NLGN1: variants seen among roughly 807,000 people sequenced by gnomAD.
The protein encoded by NLGN1 is neuroligin-1.
In NLGN1, 12 loss-of-function variants were observed where a neutral mutation model predicts 65.5. That is an observed-to-expected ratio of 0.18 (90% CI 0.12 to 0.30). The LOEUF is 0.30. NLGN1 is among the 10% of genes least tolerant of loss of function. The probability of loss-of-function intolerance (pLI) is 1.00; values close to 1 mark genes in which losing one functional copy is unlikely to be tolerated. For missense variants in NLGN1, 750 were observed against 1,007.1 expected, an observed-to-expected ratio of 0.74 and a Z score of 3.46; for synonymous variants, 350 against 359.5, an observed-to-expected ratio of 0.97 and a Z score of 0.30.
intron 3 of NLGN1, among the ~76,000 whole-genome samples, chr3:173,627,898 G>T (rs1191206304): frequency 2.7e-5 from 4 of 150,848 alleles, no homozygotes; most frequent in African/African-American, 2.4e-5. Context: ...AAATCTGTGT[G>T]TATTATCTGA....
chr3:174,085,978 A>G (rs973064466), intron 4 of NLGN1, among the ~76,000 whole-genome samples: 4 of 152,022 alleles, frequency 2.6e-5, no homozygotes, highest in African/African-American at 9.7e-5. Flanking sequence ...ATGATTGTCA[A>G]TGGATTTGTA....
chr3:174,152,607 G>T (rs1724591020), intron 4 of NLGN1, among the ~76,000 whole-genome samples: 1 of 151,670 alleles, frequency 6.6e-6, no homozygotes, highest in South Asian at 2.1e-4. Context: ...TAACAAACCT[G>T]CACGCTGTGC....
At chr3:173,829,140 A>G (rs978838894) in intron 4 of NLGN1, among the ~76,000 whole-genome samples, 1 of 152,074 alleles carries the variant, frequency 6.6e-6, no homozygotes, top group Non-Finnish European at 1.5e-5. Flanking sequence ...GCGTGGAAGC[A>G]GTGAGAAGTA....
intron 4 of NLGN1, among the ~76,000 whole-genome samples, chr3:173,858,242 T>G (rs1485511375): frequency 4.6e-5 from 7 of 152,086 alleles, no homozygotes; most frequent in Non-Finnish European, 1.0e-4. Flanking sequence ...ATATTTTGCT[T>G]GATTTTAAAA....
intron 3 of NLGN1, among the ~76,000 whole-genome samples, chr3:173,650,588 G>A (rs1216367425): frequency 6.6e-6 from 1 of 152,162 alleles, no homozygotes; most frequent in African/African-American, 2.4e-5. Context: ...GTGATAATGA[G>A]TGGTGTCTAT....
intron 4 of NLGN1, among the ~76,000 whole-genome samples, chr3:174,259,485 G>A (rs1440070076): frequency 6.7e-6 from 1 of 150,204 alleles, no homozygotes; most frequent in Non-Finnish European, 1.5e-5. Flanking sequence ...CATCAATTAT[G>A]TGTATTAGCA....
chr3:173,512,367 C>A (rs1302293044), intron 2 of NLGN1, among the ~76,000 whole-genome samples: 5 of 152,116 alleles, frequency 3.3e-5, no homozygotes, highest in Non-Finnish European at 7.3e-5. Context: ...GAAAGTGGCT[C>A]TCAGTAGAGA....
chr3:173,972,922 CTGA>C (rs1716602217), intron 4 of NLGN1, among the ~76,000 whole-genome samples: 1 of 152,114 alleles, frequency 6.6e-6, no homozygotes, highest in Non-Finnish European at 1.5e-5. Context: ...ACAAACCCTC[CTGA>C]TGATTCTCCT....
intron 4 of NLGN1, among the ~76,000 whole-genome samples, chr3:174,032,150 G>A (rs1423892619): frequency 2.0e-5 from 3 of 152,064 alleles, no homozygotes; most frequent in Non-Finnish European, 4.4e-5. Flanking sequence ...TTCACAAGAA[G>A]CCACTGGAGT....
intron 4 of NLGN1, among the ~76,000 whole-genome samples, chr3:173,820,179 G>GAAAAAAA (rs63081662): frequency 7.3e-6 from 1 of 136,616 alleles, no homozygotes. Flanking sequence ...ATTCAGTCTC[G>GAAAAAAA]AAAAAAAAAA....
chr3:173,511,045 G>T (rs572342799), intron 2 of NLGN1, among the ~76,000 whole-genome samples: 117 of 152,286 alleles, frequency 7.7e-4, no homozygotes, highest in African/African-American at 2.7e-3. Context: ...GTGCAGCTAA[G>T]ATAATATCAG....
rs574216819 is a variant in NLGN1 at position 173,428,661 on chromosome 3, A to G, written c.-389-6349A>G. Among the ~76,000 whole-genome samples, 14 of 152,176 alleles carry G rather than the reference A, an allele frequency of 9.2e-5. No individual in the cohort carries two copies. In the South Asian group the frequency reaches 2.9e-3, roughly 31 times the overall value. ...GATAAATTTGTCTTTTAGTCCTCAT[A>G]CTAAAGGTATAAGTGGTTGATACAT... On this transcript the variant is annotated intron_variant, in intron 1 of 6. Transcript: ENST00000457714.
At chr3:174,042,484 T>C (rs1477541503) in intron 4 of NLGN1, among the ~76,000 whole-genome samples, 1 of 152,214 alleles carries the variant, frequency 6.6e-6, no homozygotes, top group East Asian at 1.9e-4. Context: ...CTCTATTGCA[T>C]TGCTTTGCCT....
chr3:174,250,512 T>TAAG (rs1744575090), intron 4 of NLGN1, among the ~76,000 whole-genome samples: 1 of 152,186 alleles, frequency 6.6e-6, no homozygotes, highest in Non-Finnish European at 1.5e-5. Context: ...AGAGGAACTT[T>TAAG]AAGATGGCAA....
intron 3 of NLGN1, among the ~76,000 whole-genome samples, chr3:173,737,519 G>T (rs1160691820): frequency 6.6e-6 from 1 of 151,934 alleles, no homozygotes; most frequent in Non-Finnish European, 1.5e-5. Flanking sequence ...CATATGATAT[G>T]CAACCTTTTG....
intron 3 of NLGN1, among the ~76,000 whole-genome samples, chr3:173,632,454 C>A (rs1247744226): frequency 6.6e-6 from 1 of 152,140 alleles, no homozygotes; most frequent in Non-Finnish European, 1.5e-5. Flanking sequence ...TGCCTGTAGT[C>A]ACTGGGAGTT....
chr3:173,776,233 TA>T (rs1397840037), intron 3 of NLGN1, among the ~76,000 whole-genome samples: 2 of 152,052 alleles, frequency 1.3e-5, no homozygotes. Context: ...TGTAATGTTT[TA>T]GTACCACCTA....
chr3:174,192,644 G>A (rs544725247), intron 4 of NLGN1, among the ~76,000 whole-genome samples: 133 of 152,200 alleles, frequency 8.7e-4, no homozygotes, highest in Non-Finnish European at 1.2e-3. Flanking sequence ...GTTTGTGTGC[G>A]TGTTTCTGTC....
At chr3:173,955,743 G>A (rs548344784) in intron 4 of NLGN1, among the ~76,000 whole-genome samples, 1 of 152,210 alleles carries the variant, frequency 6.6e-6, no homozygotes, top group South Asian at 2.1e-4. Context: ...ACATATGAAT[G>A]TATTAGAAAT....
Sources: allele counts gnomAD v4.1 joint callset (sites outside exome capture counted in the v4.1 genomes callset), GRCh38; gene constraint gnomAD v4.1.1; transcripts MANE v1.5; gene names NCBI Gene and HGNC (gene_info 2026-07-23, HGNC 2026-07-21).